AUTS2: variants seen among roughly 807,000 people sequenced by gnomAD.
The protein encoded by AUTS2 is activator of transcription and developmental regulator AUTS2, also known as autism susceptibility gene 2 protein.
AUTS2 carries 17 observed loss-of-function variants against 112.4 expected under a neutral mutation model. The observed-to-expected ratio is 0.15, with a 90% confidence interval of 0.10 to 0.23. The LOEUF is 0.23. AUTS2 is among the 10% of genes least tolerant of loss of function. The probability of loss-of-function intolerance (pLI) is 1.00; values close to 1 mark genes in which losing one functional copy is unlikely to be tolerated. For missense variants in AUTS2, 1,510 were observed against 1,701.6 expected, an observed-to-expected ratio of 0.89 and a Z score of 1.98; for synonymous variants, 751 against 702.7, an observed-to-expected ratio of 1.07 and a Z score of -1.09.
intron 2 of AUTS2, among the ~76,000 whole-genome samples, chr7:69,978,082 A>G (rs1444323595): frequency 1.3e-5 from 2 of 152,178 alleles, no homozygotes; most frequent in African/African-American, 4.8e-5. Flanking sequence ...GAGTATTTGC[A>G]TGGTGCAAGG....
At chr7:69,692,358 C>G (rs1217541093) in intron 1 of AUTS2, among the ~76,000 whole-genome samples, 1 of 152,174 alleles carries the variant, frequency 6.6e-6, no homozygotes, top group Non-Finnish European at 1.5e-5. Flanking sequence ...GGTCACTCTT[C>G]TGCTAGGGCT....
chr7:70,623,625 G>T (rs928743206), intron 5 of AUTS2, among the ~76,000 whole-genome samples: 5 of 152,236 alleles, frequency 3.3e-5, no homozygotes, highest in African/African-American at 1.2e-4. Flanking sequence ...TGGTGCTCTA[G>T]AGTCTCAACA....
At chr7:70,549,291 C>T (rs1259148684) in intron 5 of AUTS2, among the ~76,000 whole-genome samples, 2 of 152,070 alleles carry the variant, frequency 1.3e-5, no homozygotes, top group Non-Finnish European at 2.9e-5. Flanking sequence ...TTTCCGTGTA[C>T]AGGATCATGG....
chr7:70,283,781 G>GA (rs986819916), intron 4 of AUTS2, among the ~76,000 whole-genome samples: 1 of 151,834 alleles, frequency 6.6e-6, no homozygotes, highest in Non-Finnish European at 1.5e-5. Flanking sequence ...GTTTTCAAAA[G>GA]AAAAAAGAGT....
intron 3 of AUTS2, among the ~76,000 whole-genome samples, chr7:70,124,071 T>G (rs549090517): frequency 3.3e-5 from 5 of 152,318 alleles, no homozygotes; most frequent in African/African-American, 1.2e-4. Context: ...GATATCTCAT[T>G]GTGGTTTTTG....
At chr7:70,081,937 T>C (rs1381352120) in intron 2 of AUTS2, among the ~76,000 whole-genome samples, 2 of 30,434 alleles carry the variant, frequency 6.6e-5, no homozygotes, top group African/African-American at 2.7e-4. Flanking sequence ...CTGTGAAGAG[T>C]GTGTGTGTGT....
At chr7:69,727,155 A>G (rs1170759919) in intron 1 of AUTS2, among the ~76,000 whole-genome samples, 1 of 152,088 alleles carries the variant, frequency 6.6e-6, no homozygotes, top group African/African-American at 2.4e-5. Flanking sequence ...CTTTTGGTGT[A>G]TGTTCCATCA....
intron 5 of AUTS2, among the ~76,000 whole-genome samples, chr7:70,681,256 A>G (rs940110554): frequency 5.3e-5 from 8 of 152,146 alleles, no homozygotes; most frequent in Admixed American, 3.9e-4. Flanking sequence ...GTTTGGGAGA[A>G]TCCACCCGGG....
chr7:69,810,514 T>C (rs1433779160), intron 1 of AUTS2, among the ~76,000 whole-genome samples: 1 of 151,770 alleles, frequency 6.6e-6, no homozygotes, highest in Non-Finnish European at 1.5e-5. Flanking sequence ...GAGCCTCAGT[T>C]TTTTTTTGAT....
At chr7:70,407,944 C>T (rs1405579207) in intron 4 of AUTS2, among the ~76,000 whole-genome samples, 2 of 151,742 alleles carry the variant, frequency 1.3e-5, no homozygotes, top group African/African-American at 4.8e-5. Flanking sequence ...GTCCCAGCTA[C>T]TCGGGAGGCT....
intron 1 of AUTS2, among the ~76,000 whole-genome samples, chr7:69,880,964 C>CCTACCAT (rs1233350749): frequency 6.6e-6 from 1 of 152,156 alleles, no homozygotes; most frequent in Non-Finnish European, 1.5e-5. Flanking sequence ...CCCTCAGATG[C>CCTACCAT]CTACCACACG....
At chr7:69,734,644 G>GT (rs1786948899) in intron 1 of AUTS2, among the ~76,000 whole-genome samples, 1 of 74,052 alleles carries the variant, frequency 1.4e-5, no homozygotes, top group Non-Finnish European at 2.9e-5. Flanking sequence ...TTGCTTGTTG[G>GT]GTTTTTTTTT....
At chr7:70,174,096 T>C (rs1808857230) in intron 4 of AUTS2, among the ~76,000 whole-genome samples, 1 of 152,138 alleles carries the variant, frequency 6.6e-6, no homozygotes, top group South Asian at 2.1e-4. Context: ...GTTGGCCAAG[T>C]TGTGAATGCA....
chr7:69,770,248 ATCT>A (rs1788602504), intron 1 of AUTS2, among the ~76,000 whole-genome samples: 3 of 152,390 alleles, frequency 2.0e-5, no homozygotes, highest in Admixed American at 6.5e-5. Flanking sequence ...CTAGCAAAAC[ATCT>A]TCTTGCACTT....
chr7:70,036,467 G>A (rs921483821), intron 2 of AUTS2, among the ~76,000 whole-genome samples: 2 of 152,198 alleles, frequency 1.3e-5, no homozygotes, highest in African/African-American at 4.8e-5. Context: ...CTGGGTAGGG[G>A]CTGTCCCGTG....
At chr7:70,173,868 CCTCT>C (rs147293138) in intron 4 of AUTS2, among the ~76,000 whole-genome samples, 1 of 151,436 alleles carries the variant, frequency 6.6e-6, no homozygotes, top group Non-Finnish European at 1.5e-5. Context: ...ACCTGCCTTT[CCTCT>C]CTCTCTCTCT....
At chr7:70,156,597 G>T (rs531136059) in intron 4 of AUTS2, among the ~76,000 whole-genome samples, 2 of 152,140 alleles carry the variant, frequency 1.3e-5, no homozygotes, top group East Asian at 3.9e-4. Context: ...TATCCTGGTG[G>T]TTGTATAGTT....
chr7:70,370,856 T>C (rs1021646760), intron 4 of AUTS2, among the ~76,000 whole-genome samples: 103 of 152,082 alleles, frequency 6.8e-4, no homozygotes, highest in Non-Finnish European at 1.8e-4. Flanking sequence ...TTTTTTATTA[T>C]AGCCATTATT....
At chr7:70,010,663 A>G (rs978837290) in intron 2 of AUTS2, among the ~76,000 whole-genome samples, 1 of 152,192 alleles carries the variant, frequency 6.6e-6, no homozygotes, top group African/African-American at 2.4e-5. Flanking sequence ...AGTTGATACT[A>G]CAGCATTATG....
Sources: gnomAD v4.1 joint callset for allele counts (sites outside exome capture counted in the v4.1 genomes callset) on GRCh38, gnomAD v4.1.1 for gene constraint, MANE v1.5 for transcripts, NCBI Gene and HGNC (gene_info 2026-07-23, HGNC 2026-07-21) for gene names.